The following AOPEP variants were observed in gnomAD, a reference collection of about 807,000 sequenced individuals.
AOPEP encodes the protein aminopeptidase O.
In AOPEP, 77 loss-of-function variants were observed where a neutral mutation model predicts 98.1. That is an observed-to-expected ratio of 0.78 (90% CI 0.65 to 0.95). The LOEUF is 0.95. AOPEP is among the 40% of genes least tolerant of loss of function. The probability of loss-of-function intolerance (pLI) is 0.00; values close to 1 mark genes in which losing one functional copy is unlikely to be tolerated. For missense variants in AOPEP, 1,024 were observed against 1,024.7 expected (o/e 1.00, Z 0.01); for synonymous variants, 346 against 365.3 (o/e 0.95, Z 0.60).
chr9:95,053,736 T>C (rs1021972766), intron 13 of AOPEP, among the ~76,000 whole-genome samples: 3 of 145,314 alleles, frequency 2.1e-5, no homozygotes, highest in African/African-American at 7.5e-5. Flanking sequence ...TTGTTGTTGT[T>C]GGATACAGAG....
Position 95,002,443 on chromosome 9 carries a change from C to A in AOPEP, c.1978-2715C>A, listed in dbSNP as rs2061623024. On this transcript the variant is annotated intron_variant, in intron 11 of 16. Coordinates refer to ENST00000375315, the MANE Select transcript of AOPEP (RefSeq NM_001193329.3). ...TTTTAAAAGAGCTATAATAACTGAACATCACAGAGTGAGCCCTAATGTAAA... is the reference window on the plus strand; with the variant it reads ...TTTTAAAAGAGCTATAATAACTGAAAATCACAGAGTGAGCCCTAATGTAAA... 2.0e-5 allele frequency among the ~76,000 whole-genome samples: 3 copies of A among 150,852 alleles called. No homozygotes were observed. The South Asian group carries it at 6.2e-4, about 31-fold the overall frequency.
intron 14 of AOPEP, among the ~76,000 whole-genome samples, chr9:95,075,935 C>T (rs1038234929): frequency 6.6e-6 from 1 of 152,204 alleles, no homozygotes. Context: ...TAAGCTGCCC[C>T]GATGGGGATG....
intron 2 of AOPEP, chr9:94,763,104 A>C (rs911608251): frequency 6.5e-6 from 3 of 461,078 alleles, no homozygotes; most frequent in African/African-American, 6.0e-5. Context: ...TGGGATGAGA[A>C]GCTCTTTATT....
At chr9:94,822,481 G>A (rs1302536426) in intron 5 of AOPEP, among the ~76,000 whole-genome samples, 1 of 152,200 alleles carries the variant, frequency 6.6e-6, no homozygotes, top group Non-Finnish European at 1.5e-5. Flanking sequence ...CAACAGCAGA[G>A]TATCTGATTA....
At chr9:95,080,856 G>T in intron 15 of AOPEP, 76 bp downstream of exon 15, 1 of 960,960 alleles carries the variant, frequency 1.0e-6, no homozygotes, top group African/African-American at 1.6e-5. Flanking sequence ...CACGTTCTCA[G>T]TATCTCTTTC....
rs950263427 is a variant in AOPEP, at chr9:95,000,196, C to T, written c.1978-4962C>T. ...ACAAAATGGGCAAATAAAAATAATA[C>T]AAATAACAGGTAAAAACAAACCAGC... On this transcript the variant is annotated intron_variant, in intron 11 of 16. Transcript: ENST00000375315. Among the ~76,000 whole-genome samples the T allele has an allele frequency of 3.2e-4, 49 of 152,164 alleles. 1 individual carries two copies. Among genetic ancestry groups the T allele is most frequent in the Admixed American group, 3.3e-4 (5 of 15,288 alleles).
At chr9:94,915,447 G>C (rs2052661500) in intron 5 of AOPEP, among the ~76,000 whole-genome samples, 1 of 152,186 alleles carries the variant, frequency 6.6e-6, no homozygotes, top group African/African-American at 2.4e-5. Flanking sequence ...TCTGTTGCTT[G>C]TTCCTACCCA....
At chr9:95,048,804 GCGTGTTTT>G (rs1411566588) in intron 13 of AOPEP, 1 of 152,180 alleles carries the variant, frequency 6.6e-6, no homozygotes, top group Non-Finnish European at 1.5e-5. Context: ...GTGATTTCGT[GCGTGTTTT>G]ATTTACCAGG....
At chr9:94,967,731 T>G (rs777311725) in intron 9 of AOPEP, 27 bp from the exon 10 acceptor site, 58 of 1,603,114 alleles carry the variant, frequency 3.6e-5, no homozygotes, top group Non-Finnish European at 4.7e-5. Context: ...ATGGACATCT[T>G]TAATGATTTG....
intron 5 of AOPEP, among the ~76,000 whole-genome samples, chr9:94,919,023 C>A (rs1269187302): frequency 6.6e-6 from 1 of 151,908 alleles, no homozygotes; most frequent in Admixed American, 6.6e-5. Flanking sequence ...TCAAGCCATT[C>A]TCTTGCTTCA....
intron 5 of AOPEP, among the ~76,000 whole-genome samples, chr9:94,806,865 G>T (rs1446654961): frequency 2.0e-5 from 3 of 152,160 alleles, no homozygotes; most frequent in Non-Finnish European, 4.4e-5. Context: ...TACAGAGCGG[G>T]TATTAAGAGG....
chr9:94,865,563 C>G (rs1429578526), intron 5 of AOPEP, among the ~76,000 whole-genome samples: 10 of 152,196 alleles, frequency 6.6e-5, no homozygotes, highest in Admixed American at 6.5e-4. Context: ...AGGGCTTAAA[C>G]TGCTTTCAAG....
At chr9:94,900,444 G>C (rs919322750) in intron 5 of AOPEP, 16 of 152,186 alleles carry the variant, frequency 1.1e-4, no homozygotes, top group African/African-American at 3.9e-4. Flanking sequence ...CGATTATTCA[G>C]CCCTTCGGGA....
At chr9:94,925,179 G>A (rs932264774) in intron 6 of AOPEP, among the ~76,000 whole-genome samples, 3 of 152,104 alleles carry the variant, frequency 2.0e-5, no homozygotes, top group Admixed American at 6.5e-5. Context: ...TTTAGTAGAC[G>A]GGGGTTTCGC....
At chr9:94,826,733 G>T (rs1854670090) in intron 5 of AOPEP, among the ~76,000 whole-genome samples, 1 of 152,140 alleles carries the variant, frequency 6.6e-6, no homozygotes, top group African/African-American at 2.4e-5. Context: ...TGTAATGTGG[G>T]GAAGGAGAAG....
intron 1 of AOPEP, among the ~76,000 whole-genome samples, chr9:94,739,263 CT>C (rs973538395): frequency 3.3e-4 from 50 of 152,192 alleles, no homozygotes; most frequent in Non-Finnish European, 6.6e-4. Flanking sequence ...TCTTCAGACC[CT>C]TTTGGGGTTA....
intron 13 of AOPEP, among the ~76,000 whole-genome samples, chr9:95,012,465 A>G (rs1195189260): frequency 6.6e-6 from 1 of 152,180 alleles, no homozygotes; most frequent in Non-Finnish European, 1.5e-5. Context: ...AGTTACTTTT[A>G]TAGGCAGTAT....
intron 13 of AOPEP, among the ~76,000 whole-genome samples, chr9:95,006,816 T>G (rs2062059086): frequency 6.6e-6 from 1 of 152,014 alleles, no homozygotes; most frequent in African/African-American, 2.4e-5. Flanking sequence ...GTTTGTGAGG[T>G]GATGAATGAG....
intron 5 of AOPEP, among the ~76,000 whole-genome samples, chr9:94,909,519 C>A (rs958987337): frequency 6.6e-6 from 1 of 152,072 alleles, no homozygotes; most frequent in Non-Finnish European, 1.5e-5. Flanking sequence ...GTCAACCAAC[C>A]ACCAAAACAA....
Sources: gnomAD v4.1 joint callset for allele counts (sites outside exome capture counted in the v4.1 genomes callset) on GRCh38, gnomAD v4.1.1 for gene constraint, MANE v1.5 for transcripts, NCBI Gene and HGNC (gene_info 2026-07-23, HGNC 2026-07-21) for gene names.